Variants in PIKFYVE observed in about 807,000 individuals in gnomAD.
PIKFYVE encodes phosphoinositide kinase, FYVE-type zinc finger containing.
In PIKFYVE, 122 loss-of-function variants were observed where a neutral mutation model predicts 257.9. That is an observed-to-expected ratio of 0.47 (90% CI 0.41 to 0.55). The LOEUF (loss-of-function observed/expected upper bound fraction) is 0.55. Ranked by LOEUF, PIKFYVE falls within the 20% of genes least tolerant of loss-of-function variation. The pLI is 0.00. For synonymous variants in PIKFYVE, 892 were observed against 868.9 expected, an observed-to-expected ratio of 1.03 and a Z score of -0.47; for missense variants, 2,160 against 2,536.6, an observed-to-expected ratio of 0.85 and a Z score of 3.19.
In PIKFYVE at chr2:208,271,439, C is replaced by T. The variant is rs749730174; in HGVS notation, c.-9-72C>T. 3.9e-4 allele frequency: 546 copies of T among 1,385,724 alleles called. 1 individual carries two copies. The highest frequency in any genetic ancestry group is 5.1e-4 in the Non-Finnish European group (499 of 973,042). 85.8% of individuals were successfully genotyped at this position (1,385,724 alleles called of 1,614,324 possible). ...ACAGAATAGGATTTTCTGGATATTT[C>T]GATGCTGTTTGGAATCAACTTTTGA... On this transcript the variant is annotated intron_variant, in intron 1 of 41. Coordinates refer to ENST00000264380, the MANE Select transcript of PIKFYVE (RefSeq NM_015040.4).
rs1694128415 is a variant in PIKFYVE at position 208,304,840 on chromosome 2, T to C, written c.1469-6T>C. On this transcript the variant is annotated splice_region_variant and splice_polypyrimidine_tract_variant and intron_variant, in intron 11 of 41. Coordinates refer to ENST00000264380, the MANE Select transcript of PIKFYVE (RefSeq NM_015040.4). Reference sequence around the variant, plus strand: ...TATATTTCTTTCCCCTTCCCAACACTAAAAGATTCTGCCAGTCCTAGCAAG... The same window carrying C: ...TATATTTCTTTCCCCTTCCCAACACCAAAAGATTCTGCCAGTCCTAGCAAG... The C allele has an allele frequency of 6.2e-7, 1 of 1,613,640 alleles. No homozygotes were observed. Among genetic ancestry groups the C allele is most frequent in the East Asian group, 2.2e-5 (1 of 44,874 alleles).
intron 17 of PIKFYVE, among the ~76,000 whole-genome samples, chr2:208,322,099 A>G (rs1696312214): frequency 6.6e-6 from 1 of 152,144 alleles, no homozygotes; most frequent in African/African-American, 2.4e-5. Flanking sequence ...AAAACAACTT[A>G]GGGATGGGCA....
intron 13 of PIKFYVE, 30 bp from the exon 14 acceptor site, chr2:208,314,264 T>C: frequency 6.2e-7 from 1 of 1,601,922 alleles, no homozygotes; most frequent in Non-Finnish European, 8.6e-7. Flanking sequence ...GACAATGAAG[T>C]AATAACTTCT....
chr2:208,302,093 C>G (rs906431762), intron 9 of PIKFYVE, 149 bp from the exon 10 acceptor site: 1 of 682,532 alleles, frequency 1.5e-6, no homozygotes. Context: ...CTTTAACTCT[C>G]TCGTTTCGTC....
At chr2:208,304,551 T>C (rs1299890267) in intron 11 of PIKFYVE, among the ~76,000 whole-genome samples, 1 of 152,208 alleles carries the variant, frequency 6.6e-6, no homozygotes, top group African/African-American at 2.4e-5. Flanking sequence ...TAAAAATAAC[T>C]GAACTAATAA....
rs747070257 is a variant in PIKFYVE, at chr2:208,328,195, C to T, written c.3634C>T (p.Pro1212Ser). 5 of 1,613,642 alleles carry T rather than the reference C, an allele frequency of 3.1e-6. No homozygotes were observed. The highest frequency in any genetic ancestry group is 3.4e-6 in the Non-Finnish European group (4 of 1,179,800). The part of the protein sequence containing the change: ...VWSTKVDCLN[P>S]INHQRLCVLF... ...TCTATTTCAGGTGGACTGTCTGAAT[C>T]CCATTAATCACCAGAGACTTTGTGT... The change falls in exon 21 of 42, where the codon CCC becomes TCC. Residue 1212 changes from proline (P) to serine (S), a missense_variant. Physicochemically the swap from Pro to Ser is moderately conservative, Grantham distance 74. This residue lies in a region of PIKFYVE where 522 missense variants were observed against 514.6 expected (regional missense o/e 1.01). Coordinates refer to ENST00000264380, the MANE Select transcript of PIKFYVE (RefSeq NM_015040.4).
chr2:208,320,806 A>T (rs1008946011), intron 17 of PIKFYVE, among the ~76,000 whole-genome samples: 4 of 152,244 alleles, frequency 2.6e-5, no homozygotes, highest in African/African-American at 4.8e-5. Flanking sequence ...GAATAGCTGC[A>T]TTAGGTTATA....
chr2:208,325,870 A>G lies in PIKFYVE; in HGVS notation c.3059A>G (p.Gln1020Arg), dbSNP rs767982895. Reference sequence around the variant, plus strand: ...ATAAGAGCCTTTAGAGACCCTCTACAGGATGACACTGGATTATATGTTACT... The same window carrying G: ...ATAAGAGCCTTTAGAGACCCTCTACGGGATGACACTGGATTATATGTTACT... ...SQIRAFRDPL[Q>R]DDTGLYVTEE... The change falls in exon 20 of 42, where the codon CAG (glutamine) becomes CGG (arginine). Residue 1020 changes from glutamine (Q) to arginine (R), a missense_variant. Physicochemically the swap from Gln to Arg is conservative, Grantham distance 43 (BLOSUM62 1). Around this residue, in one of 12 missense-constraint regions of PIKFYVE, gnomAD observed 522 missense variants for 514.6 expected, o/e 1.01. Transcript: ENST00000264380. 6.2e-7 allele frequency: 1 copy of G among 1,614,168 alleles called. No individual in the cohort carries two copies. Among genetic ancestry groups the G allele is most frequent in the Admixed American group, 1.7e-5 (1 of 60,026 alleles).
At chr2:208,285,357 A>G (rs1402870412) in intron 5 of PIKFYVE, among the ~76,000 whole-genome samples, 1 of 152,178 alleles carries the variant, frequency 6.6e-6, no homozygotes, top group East Asian at 1.9e-4. Flanking sequence ...GGCCTCCCAA[A>G]GTGTTGGGAT....
At chr2:208,310,858 G>T (rs1694859751) in intron 12 of PIKFYVE, among the ~76,000 whole-genome samples, 1 of 152,156 alleles carries the variant, frequency 6.6e-6, no homozygotes, top group African/African-American at 2.4e-5. Context: ...AAAACATTTT[G>T]GAGACAGTTG....
chr2:208,304,838 A>G lies in PIKFYVE; in HGVS notation c.1469-8A>G. The G allele has an allele frequency of 6.2e-6, 10 of 1,613,208 alleles. No individual in the cohort carries two copies. The highest frequency in any genetic ancestry group is 8.5e-6 in the Non-Finnish European group (10 of 1,179,326). On this transcript the variant is annotated splice_region_variant and splice_polypyrimidine_tract_variant and intron_variant, in intron 11 of 41. Transcript: ENST00000264380. ...CCTATATTTCTTTCCCCTTCCCAAC[A>G]CTAAAAGATTCTGCCAGTCCTAGCA... is the stretch of plus-strand genomic sequence containing the variant.
chr2:208,293,664 C>G (rs936527507), intron 7 of PIKFYVE, among the ~76,000 whole-genome samples: 1 of 137,444 alleles, frequency 7.3e-6, no homozygotes, highest in Non-Finnish European at 1.5e-5. Context: ...CTTTGATACT[C>G]TACAGGTAAG....
intron 5 of PIKFYVE, 144 bp from the exon 6 acceptor site, chr2:208,285,582 T>G (rs1167870084): frequency 1.4e-6 from 1 of 692,204 alleles, no homozygotes. Context: ...TTAAAATGTC[T>G]TTTTTTGAGA....
chr2:208,271,536 A>G lies in PIKFYVE; in HGVS notation c.17A>G (p.Lys6Arg), dbSNP rs1287166616. ...ACTCATGAAATGGCCACAGATGATA[A>G]GACGTCCCCAACACTGGACTCTGCT... MATDD[K>R]TSPTLDSAND... is the part of the protein sequence containing the mutation. The change falls in exon 2 of 42, where the codon AAG (lysine) becomes AGG (arginine). Residue 6 changes from lysine (K) to arginine (R), a missense_variant. By Grantham distance (26) the Lys-to-Arg change is conservative. Coordinates refer to ENST00000264380, the MANE Select transcript of PIKFYVE (RefSeq NM_015040.4). 6.2e-7 allele frequency: 1 copy of G among 1,614,190 alleles called. No individual in the cohort carries two copies. Among genetic ancestry groups the G allele is most frequent in the Non-Finnish European group, 8.5e-7 (1 of 1,180,026 alleles).
chr2:208,321,607 C>T (rs1413724391), intron 17 of PIKFYVE, among the ~76,000 whole-genome samples: 8 of 125,798 alleles, frequency 6.4e-5, no homozygotes, highest in Non-Finnish European at 9.5e-5. Flanking sequence ...GACGAAGTCT[C>T]GCTCTTGTCC....
intron 7 of PIKFYVE, among the ~76,000 whole-genome samples, chr2:208,290,176 A>G (rs746929735): frequency 7.2e-5 from 11 of 152,302 alleles, no homozygotes; most frequent in Non-Finnish European, 1.3e-4. Context: ...GGTGTTGAAT[A>G]TTCTATGGAT....
intron 5 of PIKFYVE, among the ~76,000 whole-genome samples, chr2:208,282,929 C>A (rs183203308): frequency 1.3e-5 from 2 of 152,086 alleles, no homozygotes; most frequent in African/African-American, 4.8e-5. Context: ...CCCTCACATG[C>A]GCAGTTCACC....
intron 1 of PIKFYVE, among the ~76,000 whole-genome samples, chr2:208,267,791 G>C (rs1026071261): frequency 1.3e-5 from 2 of 152,088 alleles, no homozygotes; most frequent in Non-Finnish European, 2.9e-5. Context: ...ACAGGCGTGA[G>C]CCACCGGGCG....
At chr2:208,298,852 T>G (rs1693320789) in intron 8 of PIKFYVE, 73 bp downstream of exon 8, 9 of 1,584,842 alleles carry the variant, frequency 5.7e-6, no homozygotes, top group Non-Finnish European at 7.8e-6. Flanking sequence ...AGTCTTTTTT[T>G]TTCTTTTTGA....
Sources: allele counts gnomAD v4.1 joint callset (sites outside exome capture counted in the v4.1 genomes callset), GRCh38; gene constraint gnomAD v4.1.1; regional missense constraint gnomAD v4.1.1; transcripts MANE v1.5; gene names NCBI Gene and HGNC (gene_info 2026-07-23, HGNC 2026-07-21).